AHI1: variants seen among roughly 807,000 people sequenced by gnomAD.
The protein encoded by AHI1 is Abelson helper integration site 1, also known as jouberin.
A neutral mutation model predicts 149.3 loss-of-function variants in AHI1; 123 were observed. The observed-to-expected ratio is 0.82, with a 90% CI of 0.71 to 0.96. The LOEUF (loss-of-function observed/expected upper bound fraction) is 0.96, where lower values mean the gene tolerates loss of function less well. Ranked by LOEUF, AHI1 falls within the 40% of genes least tolerant of loss-of-function variation. The pLI is 0.00. For synonymous variants in AHI1, 475 were observed against 459.8 expected (o/e 1.03, Z -0.42); for missense variants, 1,439 against 1,422.7 (o/e 1.01, Z -0.18).
intron 3 of AHI1, among the ~76,000 whole-genome samples, chr6:135,494,522 A>T (rs993065430): frequency 6.6e-6 from 1 of 152,214 alleles, no homozygotes; most frequent in Non-Finnish European, 1.5e-5. Flanking sequence ...ATAAGAGTAA[A>T]TCACTCACAG....
At chr6:135,386,430 C>G (rs1344746798) in intron 23 of AHI1, among the ~76,000 whole-genome samples, 1 of 151,834 alleles carries the variant, frequency 6.6e-6, no homozygotes, top group Admixed American at 6.6e-5. Flanking sequence ...CCTGCCTCAG[C>G]CTCCCAAGTA....
intron 26 of AHI1, among the ~76,000 whole-genome samples, chr6:135,315,148 T>A (rs2128371312): frequency 6.6e-6 from 1 of 152,318 alleles, no homozygotes; most frequent in South Asian, 2.1e-4. Context: ...CATCCTGGAA[T>A]CTTAATGTTC....
chr6:135,349,297 G>GA (rs1175763716), intron 24 of AHI1, among the ~76,000 whole-genome samples: 1 of 152,090 alleles, frequency 6.6e-6, no homozygotes, highest in Non-Finnish European at 1.5e-5. Flanking sequence ...TCTTATATTA[G>GA]AAAAAATAGT....
At chr6:135,420,985 C>T (rs1417527693) in intron 20 of AHI1, among the ~76,000 whole-genome samples, 2 of 152,002 alleles carry the variant, frequency 1.3e-5, no homozygotes, top group East Asian at 3.9e-4. Flanking sequence ...CTTAAAAGGC[C>T]ACTGCAGGGT....
intron 8 of AHI1, 105 bp from the exon 9 acceptor site, chr6:135,457,818 AG>A: frequency 9.4e-7 from 1 of 1,063,056 alleles, no homozygotes; most frequent in African/African-American, 1.6e-5. Context: ...CTGTGTTCAA[AG>A]GAACTTCAGG....
intron 23 of AHI1, 139 bp downstream of exon 23, chr6:135,394,637 A>G (rs1375336896): frequency 1.3e-5 from 16 of 1,236,452 alleles, no homozygotes; most frequent in Non-Finnish European, 1.7e-5. Flanking sequence ...TTTAAGGACA[A>G]AAGAGATGCT....
At chr6:135,403,099 A>G (rs970176851) in intron 22 of AHI1, among the ~76,000 whole-genome samples, 2 of 152,188 alleles carry the variant, frequency 1.3e-5, no homozygotes, top group African/African-American at 4.8e-5. Context: ...TCTATAAAGC[A>G]TATTAATGGC....
chr6:135,321,683 G>A (rs905202038), intron 25 of AHI1, among the ~76,000 whole-genome samples: 2 of 152,150 alleles, frequency 1.3e-5, no homozygotes, highest in African/African-American at 4.8e-5. Flanking sequence ...GGGTTAAACA[G>A]TTTCATGGAC....
In AHI1 at chr6:135,466,319, C is replaced by T. The variant is rs2128098836; in HGVS notation, c.244G>A (p.Val82Ile). 1.9e-6 allele frequency: 3 copies of T among 1,613,916 alleles called. No homozygotes were observed. The highest frequency in any genetic ancestry group is 2.5e-6 in the Non-Finnish European group (3 of 1,179,836). The change falls in exon 7 of 29, where the codon GTA becomes ATA. Residue 82 changes from valine (V) to isoleucine (I), a missense_variant. Val to Ile is a conservative substitution (Grantham distance 29, BLOSUM62 3). Coordinates refer to ENST00000265602, the MANE Select transcript of AHI1 (RefSeq NM_001134831.2). ...AGGTTGTTAGTGTTAGCAGCACTTA[C>T]ATCATCACTTGTAGTTTCTTTAATA... Reference protein sequence around the residue: ...PHIKETTSDDVSAANTNNLKK... With the variant: ...PHIKETTSDDISAANTNNLKK...
chr6:135,429,891 T>C lies in AHI1; in HGVS notation c.2483A>G (p.Asp828Gly). 5 of 1,544,124 alleles carry C rather than the reference T, an allele frequency of 3.2e-6. No individual in the cohort carries two copies. Among genetic ancestry groups the C allele is most frequent in the South Asian group, 1.2e-5 (1 of 84,674 alleles). Residue 828 changes from aspartate to glycine, a missense_variant, in exon 18 of 29, where the codon GAT (aspartate) becomes GGT (glycine). Coordinates refer to ENST00000265602, the MANE Select transcript of AHI1 (RefSeq NM_001134831.2). ...HTKDSTLRIMDLRILVARKFV... is the reference protein window; with the variant it reads ...HTKDSTLRIMGLRILVARKFV... ...ACTGAAATATACTTACATCCGGAGA[T>C]CCATAATTCTCAAAGTACTGTCTTT...
chr6:135,492,805 A>G (rs1246958875), intron 3 of AHI1: 4 of 985,214 alleles, frequency 4.1e-6, no homozygotes, highest in Non-Finnish European at 3.6e-6. Context: ...TTCTTTAATA[A>G]AACCTGGATG....
At chr6:135,457,228 G>C (rs1789110098) in intron 9 of AHI1, among the ~76,000 whole-genome samples, 1 of 152,182 alleles carries the variant, frequency 6.6e-6, no homozygotes, top group Admixed American at 6.5e-5. Context: ...AGGTTGCAGT[G>C]AGCCAAGATT....
rs765317933 is a variant in AHI1, at chr6:135,442,653, C to G, written c.1841G>C (p.Cys614Ser). ...TCTTCCATTGTGGGAGAAATCAAGACAAAAACATCCTCGTTCTCCTGCATT... is the reference window on the plus strand; with the variant it reads ...TCTTCCATTGTGGGAGAAATCAAGAGAAAAACATCCTCGTTCTCCTGCATT... ...SLNAGERGCF[C>S]LDFSHNGRIL... Residue 614 changes from cysteine to serine, a missense_variant, in exon 14 of 29, where the codon TGT becomes TCT. By Grantham distance (112) the Cys-to-Ser change is moderately radical (BLOSUM62 -1). Coordinates refer to ENST00000265602, the MANE Select transcript of AHI1 (RefSeq NM_001134831.2). 1.2e-6 allele frequency: 2 copies of G among 1,610,944 alleles called. No homozygotes were observed. Among genetic ancestry groups the G allele is most frequent in the East Asian group, 4.5e-5 (2 of 44,794 alleles).
intron 22 of AHI1, 37 bp downstream of exon 22, chr6:135,404,914 C>G (rs762858580): frequency 2.5e-6 from 4 of 1,593,728 alleles, no homozygotes; most frequent in East Asian, 4.5e-5. Context: ...ATCACTATAC[C>G]TTTGAAGTTA....
chr6:135,386,128 A>T (rs6570004), intron 23 of AHI1, among the ~76,000 whole-genome samples: 145,833 of 152,266 alleles, frequency 0.96, 69,879 homozygotes, highest in East Asian at 1. Context: ...GCTGAATACA[A>T]CAAGTGGTTT....
At chr6:135,293,418 A>G (rs1562444557) in intron 27 of AHI1, among the ~76,000 whole-genome samples, 6 of 136,084 alleles carry the variant, frequency 4.4e-5, no homozygotes, top group Admixed American at 7.2e-5. Context: ...AAAAAAAAAA[A>G]AAAAAAGAAA....
At chr6:135,482,533 T>C (rs1793826460) in intron 5 of AHI1, among the ~76,000 whole-genome samples, 1 of 152,164 alleles carries the variant, frequency 6.6e-6, no homozygotes, top group Non-Finnish European at 1.5e-5. Context: ...TTACTGATCA[T>C]TTTAATGCAC....
At chr6:135,418,255 T>C (rs1782666629) in intron 20 of AHI1, among the ~76,000 whole-genome samples, 1 of 152,092 alleles carries the variant, frequency 6.6e-6, no homozygotes, top group African/African-American at 2.4e-5. Context: ...AATAAATTAC[T>C]GCAAGGTGCT....
intron 4 of AHI1, among the ~76,000 whole-genome samples, chr6:135,491,921 A>G (rs1207044270): frequency 6.6e-6 from 1 of 152,252 alleles, no homozygotes; most frequent in African/African-American, 2.4e-5. Flanking sequence ...AAGATTGCCA[A>G]TGCTTGTGGT....
Sources: gnomAD v4.1 joint callset for allele counts (sites outside exome capture counted in the v4.1 genomes callset) on GRCh38, gnomAD v4.1.1 for gene constraint, MANE v1.5 for transcripts, NCBI Gene and HGNC (gene_info 2026-07-23, HGNC 2026-07-21) for gene names.